The following CDK19 variants were observed in gnomAD, a reference collection of about 807,000 sequenced individuals.
The protein encoded by CDK19 is cyclin-dependent kinase 19.
In CDK19, 20 loss-of-function variants were observed where a neutral mutation model predicts 68.3. That is an observed-to-expected ratio of 0.29 (90% CI 0.21 to 0.43). CDK19 has a LOEUF of 0.43. CDK19 is among the 20% of genes least tolerant of loss of function. CDK19 has a pLI of 1.00. For synonymous variants in CDK19, 221 were observed against 222.8 expected (o/e 0.99, Z 0.07); for missense variants, 339 against 623.5 (o/e 0.54, Z 4.86).
At chr6:110,812,354 C>T (rs1056213772) in intron 1 of CDK19, among the ~76,000 whole-genome samples, 10 of 152,068 alleles carry the variant, frequency 6.6e-5, no homozygotes, top group Non-Finnish European at 1.2e-4. Flanking sequence ...GATCTCCTGA[C>T]CTCGTGATCC....
chr6:110,799,287 T>G (rs1197005217), intron 1 of CDK19, among the ~76,000 whole-genome samples: 2 of 150,508 alleles, frequency 1.3e-5, no homozygotes, highest in Non-Finnish European at 2.9e-5. Flanking sequence ...CAGAATAAAT[T>G]ATCATCAACA....
intron 2 of CDK19, among the ~76,000 whole-genome samples, chr6:110,736,528 A>G (rs769712521): frequency 3.3e-5 from 5 of 152,160 alleles, no homozygotes; most frequent in East Asian, 1.9e-4. Context: ...ATTTAAAAAT[A>G]TATCTTTTTT....
At chr6:110,689,518 T>G (rs1772790577) in intron 2 of CDK19, among the ~76,000 whole-genome samples, 1 of 152,156 alleles carries the variant, frequency 6.6e-6, no homozygotes, top group Admixed American at 6.6e-5. Context: ...CATCTCCAGG[T>G]AGAATAACAT....
chr6:110,703,368 C>T (rs1774172674), intron 2 of CDK19, among the ~76,000 whole-genome samples: 1 of 151,888 alleles, frequency 6.6e-6, no homozygotes, highest in African/African-American at 2.4e-5. Flanking sequence ...ATTAATATTT[C>T]AAAACCAAGA....
intron 1 of CDK19, among the ~76,000 whole-genome samples, chr6:110,790,685 T>C (rs1781529546): frequency 6.6e-6 from 1 of 152,218 alleles, no homozygotes; most frequent in East Asian, 1.9e-4. Context: ...CATTTTGATT[T>C]ACATACTCTT....
intron 2 of CDK19, among the ~76,000 whole-genome samples, chr6:110,679,057 C>A (rs1438434998): frequency 6.6e-6 from 1 of 152,146 alleles, no homozygotes; most frequent in Non-Finnish European, 1.5e-5. Flanking sequence ...ACTTGTAATT[C>A]CAGCACTTTG....
Position 110,610,786 on chromosome 6 carries a change from A to G in CDK19, c.*3749T>C, listed in dbSNP as rs1777983469. The G allele has an allele frequency of 6.6e-6, 1 of 152,176 alleles. No homozygotes were observed. Among genetic ancestry groups the G allele is most frequent in the Non-Finnish European group, 1.5e-5 (1 of 68,034 alleles). The allele number at this position is 152,176 out of a possible 1,614,324, so 9.4% of individuals were successfully genotyped here. ...CCATAGAATTCTTCCTTCATTGTAT[A>G]GTTTCTGCTGCATAAATTTACTCAA... On this transcript the variant is annotated 3_prime_UTR_variant, in exon 13 of 13. Transcript: ENST00000368911.
intron 1 of CDK19, among the ~76,000 whole-genome samples, chr6:110,762,914 C>A (rs76500066): frequency 0.026 from 4,035 of 152,266 alleles, 81 homozygotes; most frequent in South Asian, 0.084. Flanking sequence ...AGCTAACAAT[C>A]AAATATTTGA....
intron 2 of CDK19, among the ~76,000 whole-genome samples, chr6:110,701,728 T>C (rs1405705302): frequency 6.6e-6 from 1 of 152,030 alleles, no homozygotes; most frequent in African/African-American, 2.4e-5. Context: ...CTGATCAGAT[T>C]GGGAAAAATT....
At chr6:110,637,054 A>G (rs79339242) in intron 5 of CDK19, among the ~76,000 whole-genome samples, 4,329 of 151,212 alleles carry the variant, frequency 0.029, 85 homozygotes, top group South Asian at 0.084. Flanking sequence ...CTCAGGACTT[A>G]GAATTCAAGT....
chr6:110,761,004 G>A (rs1406613149), intron 1 of CDK19, among the ~76,000 whole-genome samples: 3 of 152,194 alleles, frequency 2.0e-5, no homozygotes, highest in South Asian at 2.1e-4. Context: ...AGTTCAGTAA[G>A]GCTGGTTTCA....
chr6:110,699,206 C>A (rs964087746), intron 2 of CDK19, among the ~76,000 whole-genome samples: 2 of 152,052 alleles, frequency 1.3e-5, no homozygotes, highest in African/African-American at 4.8e-5. Context: ...AGGTGGATCA[C>A]CTGAGGTCAG....
chr6:110,768,655 T>A (rs1391468084), intron 1 of CDK19, among the ~76,000 whole-genome samples: 2 of 152,098 alleles, frequency 1.3e-5, no homozygotes, highest in East Asian at 3.8e-4. Flanking sequence ...CTCAACTCTA[T>A]GACATTTTGG....
At chr6:110,722,571 T>G (rs1775982440) in intron 2 of CDK19, among the ~76,000 whole-genome samples, 1 of 151,976 alleles carries the variant, frequency 6.6e-6, no homozygotes, top group Non-Finnish European at 1.5e-5. Flanking sequence ...ATATTTAATT[T>G]TCAAATTAAT....
chr6:110,707,885 T>G (rs1774639795), intron 2 of CDK19, among the ~76,000 whole-genome samples: 1 of 151,814 alleles, frequency 6.6e-6, no homozygotes, highest in Admixed American at 6.6e-5. Context: ...GGCAGGTGAA[T>G]CTCTTGAACC....
chr6:110,647,081 C>G (rs1780646566), intron 4 of CDK19, among the ~76,000 whole-genome samples: 1 of 152,100 alleles, frequency 6.6e-6, no homozygotes, highest in Admixed American at 6.5e-5. Context: ...TCTACACCCT[C>G]CTGCCTCCCG....
At chr6:110,638,628 A>G in intron 5 of CDK19, 21 bp downstream of exon 5, 1 of 1,251,450 alleles carries the variant, frequency 8.0e-7, no homozygotes, top group Non-Finnish European at 1.2e-6. Context: ...TAAATAAATT[A>G]TTTTAGGAAT....
chr6:110,683,597 C>G (rs1056560466), intron 2 of CDK19, among the ~76,000 whole-genome samples: 1 of 151,948 alleles, frequency 6.6e-6, no homozygotes, highest in African/African-American at 2.4e-5. Context: ...TGTACTTGGT[C>G]TAAGAGAGAT....
intron 5 of CDK19, among the ~76,000 whole-genome samples, chr6:110,633,314 C>A (rs578037757): frequency 6.6e-6 from 1 of 152,274 alleles, no homozygotes; most frequent in Admixed American, 6.5e-5. Context: ...GTGCTGCAGC[C>A]AGATCCAACA....
Sources: gnomAD v4.1 joint callset for allele counts (sites outside exome capture counted in the v4.1 genomes callset) on GRCh38, gnomAD v4.1.1 for gene constraint, MANE v1.5 for transcripts, NCBI Gene and HGNC (gene_info 2026-07-23, HGNC 2026-07-21) for gene names.